The following TAFA5 variants were observed in gnomAD, a reference collection of about 807,000 sequenced individuals.
TAFA5 encodes TAFA chemokine like family member 5.
A neutral mutation model predicts 15.3 loss-of-function variants in TAFA5; 6 were observed. The observed-to-expected ratio is 0.39, with a 90% confidence interval of 0.21 to 0.77. TAFA5 has a LOEUF of 0.77. Ranked by LOEUF, TAFA5 falls within the 30% of genes least tolerant of loss-of-function variation. The probability of loss-of-function intolerance (pLI) is 0.41; values close to 1 mark genes in which losing one functional copy is unlikely to be tolerated. For missense variants in TAFA5, 161 were observed against 193.1 expected (o/e 0.83, Z 0.98); for synonymous variants, 103 against 80.7 (o/e 1.28, Z -1.48).
Position 48,530,785 on chromosome 22 carries a change from G to A in TAFA5, c.112+41081G>A, listed in dbSNP as rs188525048. On this transcript the variant is annotated intron_variant, in intron 1 of 3. Transcript: ENST00000402357. The surrounding 1 kb of genome is among the most constrained non-coding windows in gnomAD (Gnocchi z 6.0). ...CTTCAGGGGGCCGGTGGCAGAGGGA[G>A]TTCCCAGGAGTGAGGTTTGGGGCAG... Among the ~76,000 whole-genome samples the A allele has an allele frequency of 5.0e-3, 757 of 152,306 alleles. 8 individuals are homozygous for A. The highest frequency in any genetic ancestry group is 9.7e-3 in the Admixed American group (148 of 15,306).
chr22:48,575,663 C>T (rs1923749389), intron 1 of TAFA5, among the ~76,000 whole-genome samples: 1 of 146,106 alleles, frequency 6.8e-6, no homozygotes, highest in Non-Finnish European at 1.5e-5. Flanking sequence ...GCGCGGTGGG[C>T]CCGGACCTAG....
chr22:48,543,481 G>A (rs900588035), intron 1 of TAFA5: 3 of 152,202 alleles, frequency 2.0e-5, no homozygotes, highest in Non-Finnish European at 2.9e-5. Flanking sequence ...TGGCCTTGGC[G>A]GGGTAGGGGC....
chr22:48,745,149 C>T (rs1930290370), intron 3 of TAFA5, among the ~76,000 whole-genome samples: 1 of 152,254 alleles, frequency 6.6e-6, no homozygotes, highest in African/African-American at 2.4e-5. Context: ...CCAGTCCTGG[C>T]TCTTTGGTGG....
intron 1 of TAFA5, among the ~76,000 whole-genome samples, chr22:48,569,026 G>A (rs1481857299): frequency 1.3e-5 from 2 of 152,252 alleles, no homozygotes; most frequent in African/African-American, 2.4e-5. Flanking sequence ...AGCTCTGAAG[G>A]AGGGGCAGGG....
chr22:48,565,677 G>C (rs1217016386), intron 1 of TAFA5, among the ~76,000 whole-genome samples: 1 of 152,162 alleles, frequency 6.6e-6, no homozygotes, highest in Non-Finnish European at 1.5e-5. Flanking sequence ...GATTTCCCGG[G>C]ACTTGCACCC....
chr22:48,694,978 T>G (rs1168011675), intron 2 of TAFA5, among the ~76,000 whole-genome samples: 1 of 151,460 alleles, frequency 6.6e-6, no homozygotes, highest in Non-Finnish European at 1.5e-5. Context: ...CCTGTGAGCT[T>G]CAAACGTGCC....
chr22:48,680,561 G>A (rs1213938707), intron 2 of TAFA5, among the ~76,000 whole-genome samples: 1 of 152,144 alleles, frequency 6.6e-6, no homozygotes, highest in Admixed American at 6.5e-5. Flanking sequence ...GGGGAGGCAG[G>A]AGGAGCTGAG....
intron 3 of TAFA5, among the ~76,000 whole-genome samples, chr22:48,708,526 C>A (rs933451496): frequency 6.6e-6 from 1 of 152,204 alleles, no homozygotes; most frequent in Admixed American, 6.5e-5. Context: ...GATGCTGAGG[C>A]GGTTTCCCCT....
chr22:48,666,048 G>T (rs1927598355), intron 2 of TAFA5, among the ~76,000 whole-genome samples: 1 of 152,210 alleles, frequency 6.6e-6, no homozygotes, highest in South Asian at 2.1e-4. Flanking sequence ...ACTGGGAGAG[G>T]TCCCCGGCCT....
At chr22:48,648,384 G>T (rs148522322) in intron 2 of TAFA5, among the ~76,000 whole-genome samples, 3 of 152,186 alleles carry the variant, frequency 2.0e-5, no homozygotes, top group Non-Finnish European at 4.4e-5. Context: ...CCTGACGTGG[G>T]CAGCCTTGCC....
chr22:48,505,886 A>C (rs941903624), intron 1 of TAFA5, among the ~76,000 whole-genome samples: 2 of 152,220 alleles, frequency 1.3e-5, no homozygotes, highest in African/African-American at 4.8e-5. Context: ...ACAAGTCCAT[A>C]AACCAGCTGG....
intron 1 of TAFA5, among the ~76,000 whole-genome samples, chr22:48,610,841 C>T (rs1360593878): frequency 1.3e-5 from 2 of 152,220 alleles, no homozygotes; most frequent in African/African-American, 4.8e-5. Flanking sequence ...CTGCTTCCCC[C>T]TCCCAGACTG....
intron 1 of TAFA5, among the ~76,000 whole-genome samples, chr22:48,634,934 T>A (rs1340607255): frequency 1.3e-5 from 2 of 152,174 alleles, no homozygotes; most frequent in Non-Finnish European, 1.5e-5. Flanking sequence ...CTCTTTGGTT[T>A]GTGTCCACAC....
At chr22:48,494,599 A>G (rs1292165776) in intron 1 of TAFA5, among the ~76,000 whole-genome samples, 1 of 152,200 alleles carries the variant, frequency 6.6e-6, no homozygotes, top group East Asian at 1.9e-4. Flanking sequence ...TGCCTTGCAC[A>G]TGGTCCTGGG....
chr22:48,580,762 G>A (rs1427270277), intron 1 of TAFA5, among the ~76,000 whole-genome samples: 1 of 152,240 alleles, frequency 6.6e-6, no homozygotes, highest in Non-Finnish European at 1.5e-5. Context: ...GGCTGCCCCG[G>A]CCGCCAGGCT....
At chr22:48,511,965 G>T (rs1412507995) in intron 1 of TAFA5, among the ~76,000 whole-genome samples, 1 of 152,270 alleles carries the variant, frequency 6.6e-6, no homozygotes, top group East Asian at 1.9e-4. Flanking sequence ...CCATTGCTAG[G>T]CTGAGGCCGG....
intron 1 of TAFA5, among the ~76,000 whole-genome samples, chr22:48,610,328 C>G (rs1029610477): frequency 8.5e-5 from 13 of 152,370 alleles, no homozygotes; most frequent in African/African-American, 2.9e-4. Flanking sequence ...GTTTATGGAG[C>G]TGGGTGTCCA....
chr22:48,741,157 G>C (rs973738141), intron 3 of TAFA5, among the ~76,000 whole-genome samples: 1 of 152,164 alleles, frequency 6.6e-6, no homozygotes, highest in Non-Finnish European at 1.5e-5. Context: ...TGGGAAGTGA[G>C]GAGTCCGTGA....
At chr22:48,734,721 AC>A (rs1268889633) in intron 3 of TAFA5, among the ~76,000 whole-genome samples, 1 of 152,246 alleles carries the variant, frequency 6.6e-6, no homozygotes, top group African/African-American at 2.4e-5. Flanking sequence ...GGCCAAGTGA[AC>A]AGCCCCGTCC....
Sources: gnomAD v4.1 joint callset for allele counts (sites outside exome capture counted in the v4.1 genomes callset) on GRCh38, gnomAD v4.1.1 for gene constraint, Gnocchi (gnomAD v3.1) non-coding constraint, MANE v1.5 for transcripts, NCBI Gene and HGNC (gene_info 2026-07-23, HGNC 2026-07-21) for gene names.